Variants in DCP2 observed in about 807,000 individuals in gnomAD.
DCP2 encodes the protein m7GpppN-mRNA hydrolase.
In DCP2, 30 loss-of-function variants were observed where a neutral mutation model predicts 56.1. The observed-to-expected ratio is 0.53, with a 90% CI of 0.40 to 0.73. DCP2 has a LOEUF of 0.73. DCP2 is among the 30% of genes least tolerant of loss of function. The pLI is 0.00. For missense variants in DCP2, 533 were observed against 502.7 expected (o/e 1.06, Z -0.58); for synonymous variants, 197 against 163.3 (o/e 1.21, Z -1.57).
chr5:113,000,326 C>A (rs1223339170), intron 4 of DCP2, among the ~76,000 whole-genome samples: 104 of 151,384 alleles, frequency 6.9e-4, no homozygotes, highest in African/African-American at 2.5e-3. Context: ...CTGTGGCCTC[C>A]CAAAGTACTG....
At chr5:112,987,049 T>C (rs372842927) in intron 2 of DCP2, among the ~76,000 whole-genome samples, 1 of 152,164 alleles carries the variant, frequency 6.6e-6, no homozygotes, top group Non-Finnish European at 1.5e-5. Context: ...TCTTTCCCCA[T>C]GTACATATCA....
chr5:112,979,426 C>A (rs1747894985), intron 1 of DCP2, among the ~76,000 whole-genome samples: 2 of 152,032 alleles, frequency 1.3e-5, no homozygotes, highest in Admixed American at 6.5e-5. Context: ...TGGTAAACTT[C>A]TGTAAAAATA....
Position 112,976,892 on chromosome 5 carries a change from G to C in DCP2, c.-42G>C. On this transcript the variant is annotated 5_prime_UTR_variant, in exon 1 of 11. Transcript: ENST00000389063. ...AGTGCCGTACCGTCAGTCCCCGGCC[G>C]CGCGGAGCCGGGATGCACTGTTCCT... is the stretch of plus-strand genomic sequence containing the variant. The C allele has an allele frequency of 6.2e-7, 1 of 1,605,596 alleles. No individual in the cohort carries two copies. The highest frequency in any genetic ancestry group is 1.1e-5 in the South Asian group (1 of 90,926).
intron 1 of DCP2, among the ~76,000 whole-genome samples, chr5:112,983,581 A>G (rs1748110704): frequency 6.6e-6 from 1 of 152,174 alleles, no homozygotes; most frequent in East Asian, 1.9e-4. Flanking sequence ...ACTGAAGGAT[A>G]TGAGTTTCCA....
intron 2 of DCP2, among the ~76,000 whole-genome samples, chr5:112,990,390 C>G (rs1748525110): frequency 6.6e-6 from 1 of 152,110 alleles, no homozygotes; most frequent in Non-Finnish European, 1.5e-5. Flanking sequence ...TGGATACAGA[C>G]AAGAGTATCC....
intron 2 of DCP2, among the ~76,000 whole-genome samples, chr5:112,986,458 T>C (rs1268944318): frequency 1.3e-5 from 2 of 151,952 alleles, no homozygotes; most frequent in African/African-American, 4.8e-5. Flanking sequence ...CCCTAGCCTC[T>C]CGAGTGGCTG....
At chr5:112,977,801 G>T (rs1444706247) in intron 1 of DCP2, among the ~76,000 whole-genome samples, 2 of 152,056 alleles carry the variant, frequency 1.3e-5, no homozygotes, top group African/African-American at 4.8e-5. Flanking sequence ...CGGAGTTGTC[G>T]CCAAGTGTGT....
intron 4 of DCP2, among the ~76,000 whole-genome samples, chr5:112,993,746 T>C (rs1264097243): frequency 6.6e-6 from 1 of 152,018 alleles, no homozygotes; most frequent in Non-Finnish European, 1.5e-5. Flanking sequence ...TAAACCCAGC[T>C]TAAATCCCTT....
chr5:113,021,673 G>A lies in DCP2; in HGVS notation c.*8189G>A, dbSNP rs758454021. 1.1e-4 allele frequency among the ~76,000 whole-genome samples: 17 copies of A among 150,614 alleles called. No individual in the cohort carries two copies. Among genetic ancestry groups the A allele is most frequent in the Non-Finnish European group, 1.9e-4 (13 of 67,676 alleles). On this transcript the variant is annotated 3_prime_UTR_variant, in exon 11 of 11. Coordinates refer to ENST00000389063, the MANE Select transcript of DCP2 (RefSeq NM_152624.6). ...AACTTTTATTTTAAATTCTCAAAAG[G>A]AGAGTGACTAAGGTGTTATACTTAC...
At chr5:112,988,310 G>A (rs1306699478) in intron 2 of DCP2, among the ~76,000 whole-genome samples, 4 of 135,706 alleles carry the variant, frequency 2.9e-5, no homozygotes, top group Admixed American at 7.9e-5. Flanking sequence ...GTAAAACCCC[G>A]TCTCTACTAA....
chr5:112,982,205 C>G (rs560460141), intron 1 of DCP2, among the ~76,000 whole-genome samples: 36 of 152,222 alleles, frequency 2.4e-4, no homozygotes, highest in Admixed American at 1.0e-3. Context: ...TCCAAAGTTT[C>G]TAGCTGCTTT....
intron 4 of DCP2, 109 bp downstream of exon 4, chr5:112,992,879 C>A (rs1169033171): frequency 3.3e-6 from 2 of 612,520 alleles, no homozygotes; most frequent in South Asian, 8.7e-5. Context: ...CTTTCCAGAA[C>A]TTGAGTGCAT....
intron 9 of DCP2, among the ~76,000 whole-genome samples, 164 bp from the exon 10 acceptor site, chr5:113,010,592 C>T (rs1749640603): frequency 1.3e-5 from 2 of 152,046 alleles, no homozygotes; most frequent in Non-Finnish European, 2.9e-5. Context: ...AAAGTAAATA[C>T]AAAATACAAA....
intron 4 of DCP2, among the ~76,000 whole-genome samples, chr5:112,993,836 G>C (rs1030587293): frequency 6.6e-6 from 1 of 151,606 alleles, no homozygotes; most frequent in Admixed American, 6.6e-5. Flanking sequence ...TCTCTCTCTC[G>C]TGTGTGTGTG....
In DCP2 at chr5:113,008,108, C is replaced by T. The variant is rs1260756846; in HGVS notation, c.1047+66C>T. Reference sequence around the variant, plus strand: ...TCTGAAGAGTGAAACAAGGGCATTGCCAAAGCACAGGAATGTTACTTGTTT... The same window carrying T: ...TCTGAAGAGTGAAACAAGGGCATTGTCAAAGCACAGGAATGTTACTTGTTT... On this transcript the variant is annotated intron_variant, in intron 9 of 10. Coordinates refer to ENST00000389063, the MANE Select transcript of DCP2 (RefSeq NM_152624.6). The T allele has an allele frequency of 2.3e-6, 3 of 1,296,078 alleles. No homozygotes were observed. In the African/African-American group the frequency reaches 4.4e-5, roughly 19 times the overall value. The allele number at this position is 1,296,078 out of a possible 1,614,324, so 80.3% of individuals were successfully genotyped here.
At chr5:112,982,974 G>A (rs1748081256) in intron 1 of DCP2, among the ~76,000 whole-genome samples, 1 of 152,130 alleles carries the variant, frequency 6.6e-6, no homozygotes, top group Non-Finnish European at 1.5e-5. Context: ...TTACACTTGA[G>A]GGTTTTTCAT....
chr5:112,980,237 T>C (rs1412006860), intron 1 of DCP2, among the ~76,000 whole-genome samples: 1 of 152,246 alleles, frequency 6.6e-6, no homozygotes, highest in Non-Finnish European at 1.5e-5. Flanking sequence ...TTCAAATAAA[T>C]GCTTAGAATT....
rs1233015181 is a variant in DCP2 at position 113,008,017 on chromosome 5, C to G, written c.1022C>G (p.Pro341Arg). 1.9e-6 allele frequency: 3 copies of G among 1,613,862 alleles called. No individual in the cohort carries two copies. In the African/African-American group the frequency reaches 4.0e-5, roughly 22 times the overall value. The change falls in exon 9 of 11, where the codon CCA becomes CGA. Residue 341 changes from proline (P) to arginine (R), a missense_variant. Pro to Arg is a moderately radical substitution (Grantham distance 103). Coordinates refer to ENST00000389063, the MANE Select transcript of DCP2 (RefSeq NM_152624.6). ...NQKKRTNGLQPAKQQNSLMKC... is the reference protein window; with the variant it reads ...NQKKRTNGLQRAKQQNSLMKC... ...AAGAAAAGAACAAATGGGCTTCAGC[C>G]AGCAAAGCAGCAGAATTCTTTGATG...
intron 4 of DCP2, among the ~76,000 whole-genome samples, chr5:112,999,561 G>A (rs1749033790): frequency 6.6e-6 from 1 of 151,554 alleles, no homozygotes; most frequent in African/African-American, 2.4e-5. Flanking sequence ...CTCCTGACCT[G>A]GTGATTAGCC....
Sources: gnomAD v4.1 joint callset for allele counts (sites outside exome capture counted in the v4.1 genomes callset) on GRCh38, gnomAD v4.1.1 for gene constraint, MANE v1.5 for transcripts, NCBI Gene and HGNC (gene_info 2026-07-23, HGNC 2026-07-21) for gene names.